The following PTK2 variants were observed in gnomAD, a reference collection of about 807,000 sequenced individuals.
PTK2 encodes focal adhesion kinase 1.
Under a neutral mutation model 150.1 loss-of-function variants are expected in PTK2, and 45 were observed. The ratio of observed to expected loss-of-function variants is 0.30; its 90% CI spans 0.24 to 0.38. The LOEUF (loss-of-function observed/expected upper bound fraction) is 0.38, where lower values mean the gene tolerates loss of function less well. Ranked by LOEUF, PTK2 falls within the 10% of genes least tolerant of loss-of-function variation. PTK2 has a pLI of 1.00. For missense variants in PTK2, 919 were observed against 1,307.3 expected (o/e 0.70, Z 4.58); for synonymous variants, 432 against 449.2 (o/e 0.96, Z 0.48).
intron 1 of PTK2, among the ~76,000 whole-genome samples, chr8:140,932,861 C>CCTTT (rs1227791820): frequency 1.1e-4 from 1 of 8,730 alleles, no homozygotes; most frequent in Non-Finnish European, 1.9e-3. Context: ...TCTTCCTTCC[C>CCTTT]CTTTTTTTGA....
intron 4 of PTK2, among the ~76,000 whole-genome samples, chr8:140,868,730 C>T (rs2100140836): frequency 6.6e-6 from 1 of 152,094 alleles, no homozygotes; most frequent in Non-Finnish European, 1.5e-5. Flanking sequence ...TTGAAGAACA[C>T]AATACAAATA....
intron 1 of PTK2, among the ~76,000 whole-genome samples, chr8:140,993,003 T>C (rs1289017218): frequency 6.6e-6 from 1 of 152,188 alleles, no homozygotes; most frequent in Non-Finnish European, 1.5e-5. Flanking sequence ...GGATCAGTAA[T>C]AAAAACTTCC....
Position 140,743,296 on chromosome 8 carries a change from T to C in PTK2, c.1669A>G (p.Asn557Asp). 4.3e-6 allele frequency: 7 copies of C among 1,613,550 alleles called. 1 individual carries two copies. In the South Asian group the frequency reaches 7.7e-5, roughly 18 times the overall value. ...AAGTCTCCTAATTTTACACAATCAT[T>C]TGAGGACACCAGAACATTCCGAGCA... is the stretch of plus-strand genomic sequence containing the variant. Residue 557 changes from asparagine to aspartate, a missense_variant, in exon 20 of 32, where the codon AAT (asparagine) becomes GAT (aspartate). By Grantham distance (23) the Asn-to-Asp change is conservative. Coordinates refer to ENST00000522684, the Ensembl canonical transcript of PTK2.
chr8:140,767,260 CTT>C (rs56135573), intron 14 of PTK2, among the ~76,000 whole-genome samples: 2 of 147,292 alleles, frequency 1.4e-5, no homozygotes, highest in African/African-American at 2.5e-5. Flanking sequence ...AAATTTCTTT[CTT>C]TTTTTTTTTT....
intron 1 of PTK2, among the ~76,000 whole-genome samples, chr8:140,994,410 A>G (rs1457706810): frequency 2.0e-5 from 3 of 152,258 alleles, no homozygotes; most frequent in Non-Finnish European, 4.4e-5. Context: ...TTTATTCAAC[A>G]GCATGTGCTC....
intron 2 of PTK2, among the ~76,000 whole-genome samples, chr8:140,910,562 T>C (rs2100162722): frequency 6.6e-6 from 1 of 151,954 alleles, no homozygotes; most frequent in Non-Finnish European, 1.5e-5. Flanking sequence ...GTGACTGCTA[T>C]AGAAGTCTTT....
chr8:140,721,803 T>C (rs936239204), intron 22 of PTK2: 1 of 152,248 alleles, frequency 6.6e-6, no homozygotes, highest in African/African-American at 2.4e-5. Context: ...TGTCAAATAG[T>C]AGTTCCTCCA....
chr8:140,822,969 A>G (rs2100109689), intron 8 of PTK2, among the ~76,000 whole-genome samples: 1 of 152,230 alleles, frequency 6.6e-6, no homozygotes, highest in Admixed American at 6.5e-5. Flanking sequence ...TCAAACTTCT[A>G]TCATAGAACA....
chr8:140,814,836 G>A (rs537230055), intron 10 of PTK2, among the ~76,000 whole-genome samples: 2,430 of 150,396 alleles, frequency 0.016, 67 homozygotes, highest in African/African-American at 0.055. Flanking sequence ...GTGCAATGAC[G>A]AAATCTCGGC....
rs555389332 is a variant in PTK2, at chr8:140,884,481, TTGTTTTTAAA to T, written c.196-4854_196-4845del. 2.0e-4 allele frequency among the ~76,000 whole-genome samples: 30 copies of T among 152,104 alleles called. No homozygotes were observed. The East Asian group carries it at 5.8e-3, about 29-fold the overall frequency. ...TCAATTGATTGTTATTAATAATCAA[TTGTTTTTAAA>T]TGTTTTTAAACATACATTCACCTGC... On this transcript the variant is annotated intron_variant, in intron 3 of 31. Transcript: ENST00000522684.
intron 14 of PTK2, among the ~76,000 whole-genome samples, chr8:140,768,281 A>T (rs1442924921): frequency 6.6e-6 from 1 of 152,224 alleles, no homozygotes; most frequent in African/African-American, 2.4e-5. Flanking sequence ...AGACCAAGTG[A>T]CTACCCTTAA....
chr8:140,815,896 AACTC>A (rs1009760201), intron 10 of PTK2, among the ~76,000 whole-genome samples: 1 of 152,158 alleles, frequency 6.6e-6, no homozygotes, highest in Non-Finnish European at 1.5e-5. Flanking sequence ...ATGTTATTAA[AACTC>A]AACAATAAAA....
chr8:140,702,153 A>AAAG (rs2100030913), intron 25 of PTK2, among the ~76,000 whole-genome samples: 2 of 138,468 alleles, frequency 1.4e-5, no homozygotes, highest in South Asian at 2.3e-4. Flanking sequence ...AAAAAAAAAA[A>AAAG]GTCATTAAAA....
chr8:140,888,553 CTGATA>C (rs2100153125), intron 3 of PTK2, among the ~76,000 whole-genome samples: 1 of 152,188 alleles, frequency 6.6e-6, no homozygotes, highest in South Asian at 2.1e-4. Flanking sequence ...TAAATGAGTT[CTGATA>C]ACTTATACAT....
At chr8:141,000,087 T>TCACACACACACACA (rs71310820) in intron 1 of PTK2, among the ~76,000 whole-genome samples, 107 of 81,648 alleles carry the variant, frequency 1.3e-3, no homozygotes, top group Middle Eastern at 6.0e-3. Context: ...TGAAACCAAT[T>TCACACACACACACA]CACACACACA....
At chr8:140,818,478 C>T in intron 9 of PTK2, 124 bp from the exon 10 acceptor site, 1 of 778,206 alleles carries the variant, frequency 1.3e-6, no homozygotes. Flanking sequence ...ATTAATCTAT[C>T]TAACCAAATA....
At chr8:140,886,722 T>TTAA (rs1228588154) in intron 3 of PTK2, among the ~76,000 whole-genome samples, 1 of 152,198 alleles carries the variant, frequency 6.6e-6, no homozygotes, top group Non-Finnish European at 1.5e-5. Context: ...ATTATCTTGA[T>TTAA]TAATAATTTA....
intron 1 of PTK2, among the ~76,000 whole-genome samples, chr8:140,951,196 T>C (rs1416456478): frequency 6.6e-6 from 1 of 152,142 alleles, no homozygotes; most frequent in Non-Finnish European, 1.5e-5. Context: ...CTCCCAAACT[T>C]TCCTTTGCTT....
intron 14 of PTK2, among the ~76,000 whole-genome samples, chr8:140,768,888 C>T (rs1206410317): frequency 6.6e-6 from 1 of 152,072 alleles, no homozygotes; most frequent in Admixed American, 6.5e-5. Context: ...CAAAAATGAA[C>T]ATAGGTGAAA....
Sources: allele counts gnomAD v4.1 joint callset (sites outside exome capture counted in the v4.1 genomes callset), GRCh38; gene constraint gnomAD v4.1.1; transcripts MANE v1.5; gene names NCBI Gene and HGNC (gene_info 2026-07-23, HGNC 2026-07-21).